TYW1B: variants seen among roughly 807,000 people sequenced by gnomAD.
The protein encoded by TYW1B is S-adenosyl-L-methionine-dependent tRNA 4-demethylwyosine synthase TYW1B.
TYW1B carries 73 observed loss-of-function variants against 86.9 expected under a neutral mutation model. The observed-to-expected ratio is 0.84, with a 90% CI of 0.70 to 1.02. TYW1B has a LOEUF of 1.02. TYW1B is among the 50% of genes least tolerant of loss of function. TYW1B has a pLI of 0.00. For synonymous variants in TYW1B, 248 were observed against 292.8 expected, an observed-to-expected ratio of 0.85 and a Z score of 1.56; for missense variants, 637 against 827.4, an observed-to-expected ratio of 0.77 and a Z score of 2.82.
At chr7:72,647,187 T>A (rs1202218400) in intron 11 of TYW1B, among the ~76,000 whole-genome samples, 1 of 152,208 alleles carries the variant, frequency 6.6e-6, no homozygotes, top group Non-Finnish European at 1.5e-5. Flanking sequence ...AGATTTTTTT[T>A]AAACAGCAAT....
At chr7:72,632,323 A>ATATATATATATATAT (rs1812522473) in intron 11 of TYW1B, among the ~76,000 whole-genome samples, 1 of 111,282 alleles carries the variant, frequency 9.0e-6, no homozygotes, top group African/African-American at 4.1e-5. Flanking sequence ...TATATATATT[A>ATATATATATATATAT]TATATATATA....
Position 72,575,614 on chromosome 7 carries a change from C to T in TYW1B, c.1891G>A (p.Asp631Asn), listed in dbSNP as rs1554428300. The T allele has an allele frequency of 1.2e-6, 2 of 1,613,830 alleles. No individual in the cohort carries two copies. The highest frequency in any genetic ancestry group is 1.1e-5 in the South Asian group (1 of 91,072). ...SGGSKTFSAK[D>N]YMARTPHWAL... ...CAGTGAGGAGTTCTGGCCATATAAT[C>T]CTTTGCGCTGAACGTTTTTGATCCA... The change falls in exon 14 of 14, where the codon GAT becomes AAT. Residue 631 changes from aspartate (D) to asparagine (N), a missense_variant. By Grantham distance (23) the Asp-to-Asn change is conservative (BLOSUM62 1). Coordinates refer to ENST00000620995, the MANE Select transcript of TYW1B (RefSeq NM_001145440.3).
intron 11 of TYW1B, among the ~76,000 whole-genome samples, chr7:72,634,554 G>A (rs1251872457): frequency 1.3e-5 from 2 of 149,998 alleles, no homozygotes; most frequent in African/African-American, 5.0e-5. Context: ...GACATGCTGG[G>A]TCATGGGGGA....
At chr7:72,614,150 A>T (rs1432262865) in intron 13 of TYW1B, among the ~76,000 whole-genome samples, 1 of 152,176 alleles carries the variant, frequency 6.6e-6, no homozygotes, top group Non-Finnish European at 1.5e-5. Context: ...TATTTTTATC[A>T]TTGCACTTTT....
chr7:72,601,938 G>A (rs1811677144), intron 13 of TYW1B, among the ~76,000 whole-genome samples: 1 of 152,028 alleles, frequency 6.6e-6, no homozygotes, highest in African/African-American at 2.4e-5. Context: ...GCATTTTTAG[G>A]GCAGAAAATT....
At chr7:72,760,906 A>T (rs535559240) in intron 7 of TYW1B, among the ~76,000 whole-genome samples, 1 of 152,310 alleles carries the variant, frequency 6.6e-6, no homozygotes, top group African/African-American at 2.4e-5. Context: ...CTAAGTTATC[A>T]CTGTTGGTTG....
At chr7:72,595,790 C>A (rs1389103834) in intron 13 of TYW1B, among the ~76,000 whole-genome samples, 2 of 151,976 alleles carry the variant, frequency 1.3e-5, no homozygotes, top group African/African-American at 4.8e-5. Flanking sequence ...AAGACTTGTA[C>A]AATGAAAAGT....
intron 6 of TYW1B, among the ~76,000 whole-genome samples, chr7:72,789,923 C>G (rs1458679690): frequency 5.4e-5 from 8 of 147,260 alleles, no homozygotes; most frequent in Non-Finnish European, 1.2e-4. Context: ...TGAACATTCT[C>G]AAGTGATAGG....
At chr7:72,619,500 G>A (rs1812162506) in intron 12 of TYW1B, among the ~76,000 whole-genome samples, 2 of 151,616 alleles carry the variant, frequency 1.3e-5, no homozygotes, top group Admixed American at 1.3e-4. Flanking sequence ...AATTAGCCGG[G>A]CACGGTGGCG....
chr7:72,619,426 G>T (rs1469408844), intron 12 of TYW1B, among the ~76,000 whole-genome samples: 2 of 152,010 alleles, frequency 1.3e-5, no homozygotes, highest in Non-Finnish European at 2.9e-5. Context: ...TGGATCATGA[G>T]GTCAGGAGAT....
intron 13 of TYW1B, among the ~76,000 whole-genome samples, chr7:72,611,331 G>A (rs1811926944): frequency 6.6e-6 from 1 of 152,098 alleles, no homozygotes; most frequent in South Asian, 2.1e-4. Context: ...TGGTTTGACT[G>A]TGTCCCCACC....
At chr7:72,736,611 G>A (rs547866164) in intron 8 of TYW1B, among the ~76,000 whole-genome samples, 110 of 152,144 alleles carry the variant, frequency 7.2e-4, no homozygotes, top group South Asian at 1.5e-3. Flanking sequence ...CTATCCCCTC[G>A]GGTATTGCTC....
chr7:72,749,766 G>A (rs746621409), intron 7 of TYW1B, among the ~76,000 whole-genome samples: 2 of 54,260 alleles, frequency 3.7e-5, no homozygotes, highest in Non-Finnish European at 8.4e-5. Context: ...GTTTCTTGAG[G>A]TAGGAACTAG....
At chr7:72,824,596 C>T (rs1554481118) in intron 2 of TYW1B, among the ~76,000 whole-genome samples, 2 of 151,904 alleles carry the variant, frequency 1.3e-5, no homozygotes, top group African/African-American at 4.8e-5. Flanking sequence ...CAAAAATTAA[C>T]CAGATGTGAT....
At chr7:72,635,751 T>C (rs1291935853) in intron 11 of TYW1B, among the ~76,000 whole-genome samples, 3 of 152,246 alleles carry the variant, frequency 2.0e-5, no homozygotes, top group Admixed American at 1.3e-4. Context: ...TGTTGCTCAA[T>C]AGAAATATAA....
At chr7:72,625,530 G>C (rs1770236053) in intron 12 of TYW1B, among the ~76,000 whole-genome samples, 1 of 113,024 alleles carries the variant, frequency 8.8e-6, no homozygotes, top group African/African-American at 4.1e-5. Context: ...AGGCTGAGGT[G>C]GGAGGATCAC....
At chr7:72,797,092 C>T (rs1458291986) in intron 6 of TYW1B, among the ~76,000 whole-genome samples, 6 of 152,152 alleles carry the variant, frequency 3.9e-5, no homozygotes, top group Non-Finnish European at 7.3e-5. Flanking sequence ...CAGGCATGAG[C>T]CACCACACCC....
intron 8 of TYW1B, among the ~76,000 whole-genome samples, chr7:72,733,495 T>TA (rs1200604875): frequency 1.3e-5 from 2 of 151,848 alleles, no homozygotes; most frequent in East Asian, 3.9e-4. Context: ...CTGTCTCTAC[T>TA]AAAAAAATAC....
At chr7:72,703,024 ATATTT>A (rs1814522631) in intron 10 of TYW1B, among the ~76,000 whole-genome samples, 2 of 8,144 alleles carry the variant, frequency 2.5e-4, no homozygotes, top group East Asian at 3.8e-3. Context: ...ATATATATAT[ATATTT>A]TTTTTTTTTT....
Sources: gnomAD v4.1 joint callset for allele counts (sites outside exome capture counted in the v4.1 genomes callset) on GRCh38, gnomAD v4.1.1 for gene constraint, MANE v1.5 for transcripts, NCBI Gene and HGNC (gene_info 2026-07-23, HGNC 2026-07-21) for gene names.